LRRTM4: variants seen among roughly 807,000 people sequenced by gnomAD.
LRRTM4 encodes the protein leucine-rich repeat transmembrane neuronal protein 4.
LRRTM4 carries 25 observed loss-of-function variants against 47.6 expected under a neutral mutation model. That is an observed-to-expected ratio of 0.53 (90% CI 0.38 to 0.73). LRRTM4 has a LOEUF of 0.73. Among genes scored for constraint, LRRTM4 ranks in the 30% least tolerant of loss-of-function variants. LRRTM4 has a pLI of 0.00. For synonymous variants in LRRTM4, 311 were observed against 269.5 expected, an observed-to-expected ratio of 1.15 and a Z score of -1.51; for missense variants, 638 against 713.4, an observed-to-expected ratio of 0.89 and a Z score of 1.20.
chr2:77,512,726 A>G (rs1679067764), intron 3 of LRRTM4, among the ~76,000 whole-genome samples: 1 of 152,124 alleles, frequency 6.6e-6, no homozygotes, highest in Non-Finnish European at 1.5e-5. Flanking sequence ...ATTACATTTT[A>G]TAAACACAGA....
intron 3 of LRRTM4, among the ~76,000 whole-genome samples, chr2:77,300,425 A>G (rs930426118): frequency 1.3e-5 from 2 of 152,212 alleles, no homozygotes; most frequent in Admixed American, 6.5e-5. Flanking sequence ...ATTAGAACCT[A>G]GGATTGAGAC....
At chr2:77,128,395 C>CAGATAGGTAGAT (rs1553394614) in intron 3 of LRRTM4, among the ~76,000 whole-genome samples, 3 of 150,436 alleles carry the variant, frequency 2.0e-5, no homozygotes, top group Non-Finnish European at 3.0e-5. Flanking sequence ...AATTCTGTAA[C>CAGATAGGTAGAT]AGATAGATAG....
chr2:76,852,872 A>G (rs1672038760), intron 3 of LRRTM4, among the ~76,000 whole-genome samples: 1 of 152,186 alleles, frequency 6.6e-6, no homozygotes, highest in Non-Finnish European at 1.5e-5. Flanking sequence ...GGTTTAGAGG[A>G]CACATCAATG....
At chr2:76,976,228 C>T (rs990887347) in intron 3 of LRRTM4, among the ~76,000 whole-genome samples, 8 of 151,608 alleles carry the variant, frequency 5.3e-5, no homozygotes, top group African/African-American at 1.9e-4. Context: ...ATTCAAAGAG[C>T]CTTCAGTAAT....
intron 3 of LRRTM4, among the ~76,000 whole-genome samples, chr2:77,272,061 A>G (rs1279810579): frequency 1.3e-5 from 2 of 152,044 alleles, no homozygotes; most frequent in Non-Finnish European, 2.9e-5. Context: ...AACATGTCTC[A>G]TATTCCAACT....
At chr2:77,270,555 T>C (rs150667099) in intron 3 of LRRTM4, among the ~76,000 whole-genome samples, 228 of 152,342 alleles carry the variant, frequency 1.5e-3, no homozygotes, top group African/African-American at 5.2e-3. Flanking sequence ...TTTATAAGCC[T>C]GAAACTCAAA....
intron 3 of LRRTM4, among the ~76,000 whole-genome samples, chr2:76,754,472 C>G (rs1306382682): frequency 6.6e-6 from 1 of 152,122 alleles, no homozygotes; most frequent in Non-Finnish European, 1.5e-5. Context: ...TTAGGAACAA[C>G]TGAACCTAGG....
chr2:77,213,263 T>A (rs1010587476), intron 3 of LRRTM4, among the ~76,000 whole-genome samples: 6 of 152,074 alleles, frequency 3.9e-5, no homozygotes, highest in Non-Finnish European at 4.4e-5. Context: ...CTGGGGAACA[T>A]TGCCAAGTTG....
chr2:77,290,987 G>A (rs1358264518), intron 3 of LRRTM4, among the ~76,000 whole-genome samples: 1 of 152,068 alleles, frequency 6.6e-6, no homozygotes, highest in African/African-American at 2.4e-5. Context: ...GGACATTACT[G>A]CTGGGCTTTT....
At chr2:76,969,940 T>G (rs148326249) in intron 3 of LRRTM4, among the ~76,000 whole-genome samples, 22 of 152,114 alleles carry the variant, frequency 1.4e-4, no homozygotes, top group African/African-American at 5.3e-4. Flanking sequence ...TTCTTCAGAA[T>G]ATATCTGTTC....
intron 3 of LRRTM4, among the ~76,000 whole-genome samples, chr2:77,353,082 T>G (rs966192644): frequency 3.9e-5 from 6 of 152,244 alleles, no homozygotes; most frequent in Admixed American, 6.5e-5. Context: ...TTCAAACTAT[T>G]ATTTAAAATG....
At chr2:76,759,934 A>C (rs1291096174) in intron 3 of LRRTM4, among the ~76,000 whole-genome samples, 1 of 152,168 alleles carries the variant, frequency 6.6e-6, no homozygotes, top group African/African-American at 2.4e-5. Flanking sequence ...AATGTTAAAT[A>C]TTCTTAATGA....
At chr2:77,308,026 A>C in intron 3 of LRRTM4, among the ~76,000 whole-genome samples, 1 of 140,986 alleles carries the variant, frequency 7.1e-6, no homozygotes, top group East Asian at 2.1e-4. Context: ...ATTATATATT[A>C]TATATCTATA....
In LRRTM4 at chr2:77,521,813, T is replaced by A. The variant is rs1278014719; in HGVS notation, c.-142A>T. On this transcript the variant is annotated 5_prime_UTR_variant, in exon 2 of 4. The change abolishes an upstream ATG in the 5' untranslated region. Coordinates refer to ENST00000409884, the MANE Select transcript of LRRTM4 (RefSeq NM_001134745.3). ...TCCCGCATGTGAGCTAGTAGCCCCA[T>A]ACAAACTTCCCCGAGAGGACAGGCA... The A allele has an allele frequency of 3.2e-5, 16 of 497,216 alleles. No homozygotes were observed. The highest frequency in any genetic ancestry group is 7.1e-5 in the South Asian group (2 of 28,296). The allele number at this position is 497,216 out of a possible 1,614,324, so 30.8% of individuals were successfully genotyped here.
chr2:77,325,481 T>G (rs986391314), intron 3 of LRRTM4, among the ~76,000 whole-genome samples: 11 of 152,220 alleles, frequency 7.2e-5, no homozygotes, highest in African/African-American at 2.6e-4. Context: ...GAAATAAAAT[T>G]AGAGTGTATT....
At chr2:77,140,669 A>G (rs1672095164) in intron 3 of LRRTM4, among the ~76,000 whole-genome samples, 1 of 152,206 alleles carries the variant, frequency 6.6e-6, no homozygotes, top group Admixed American at 6.5e-5. Flanking sequence ...AAAAGAAACT[A>G]CCATCACAGT....
chr2:77,451,382 G>T (rs548543338), intron 3 of LRRTM4, among the ~76,000 whole-genome samples: 1 of 152,158 alleles, frequency 6.6e-6, no homozygotes, highest in Non-Finnish European at 1.5e-5. Context: ...TGCAATCTGA[G>T]CATCAGTGCT....
intron 3 of LRRTM4, among the ~76,000 whole-genome samples, chr2:77,042,145 C>A (rs1159578768): frequency 6.6e-6 from 1 of 151,466 alleles, no homozygotes; most frequent in African/African-American, 2.4e-5. Context: ...TATTATATCA[C>A]TCTTAATTTC....
At chr2:77,119,700 TAA>T (rs1040938878) in intron 3 of LRRTM4, among the ~76,000 whole-genome samples, 6 of 151,814 alleles carry the variant, frequency 4.0e-5, no homozygotes, top group Non-Finnish European at 1.5e-5. Context: ...GCCAATGATA[TAA>T]GTCTGCTTCA....
Sources: gnomAD v4.1 joint callset for allele counts (sites outside exome capture counted in the v4.1 genomes callset) on GRCh38, gnomAD v4.1.1 for gene constraint, MANE v1.5 for transcripts, NCBI Gene and HGNC (gene_info 2026-07-23, HGNC 2026-07-21) for gene names.